CREB3L4: variants seen among roughly 807,000 people sequenced by gnomAD.
The protein encoded by CREB3L4 is cyclic AMP-responsive element-binding protein 3-like protein 4.
Under a neutral mutation model 37.0 loss-of-function variants are expected in CREB3L4, and 28 were observed. The observed-to-expected ratio is 0.76, with a 90% confidence interval of 0.56 to 1.04. The LOEUF (loss-of-function observed/expected upper bound fraction) is 1.04, where lower values mean the gene tolerates loss of function less well. CREB3L4 is among the 50% of genes least tolerant of loss of function. The pLI is 0.00. For missense variants in CREB3L4, 462 were observed against 486.0 expected (o/e 0.95, Z 0.46); for synonymous variants, 175 against 192.2 (o/e 0.91, Z 0.74).
Position 153,968,921 on chromosome 1 carries a change from C to G in CREB3L4, c.175-9C>G, listed in dbSNP as rs757762343. ...CCCTGCACATATATATAACCTTTTCCTACTGTAGGGCCTTCAAGAGAGTGA... is the reference window on the plus strand; with the variant it reads ...CCCTGCACATATATATAACCTTTTCGTACTGTAGGGCCTTCAAGAGAGTGA... On this transcript the variant is annotated splice_polypyrimidine_tract_variant and intron_variant, in intron 2 of 9. Transcript: ENST00000368607. 6.3e-7 allele frequency: 1 copy of G among 1,596,244 alleles called. No homozygotes were observed. The highest frequency in any genetic ancestry group is 8.5e-7 in the Non-Finnish European group (1 of 1,171,160).
At position 153,968,719 on chromosome 1, in the gene CREB3L4, G is replaced by C. The variant is rs202104637; in HGVS notation, c.174+20G>C. On this transcript the variant is annotated intron_variant, in intron 2 of 9. Coordinates refer to ENST00000368607, the MANE Select transcript of CREB3L4 (RefSeq NM_001255978.2). ...GGCTGTGTGAGTGTGACGAGTGGGA[G>C]TGGGGGTGGGGTTGAGACACAACTC... 1.5e-3 allele frequency: 2,465 copies of C among 1,613,404 alleles called. 31 individuals are homozygous for C. The highest frequency in any genetic ancestry group is 4.5e-4 in the Non-Finnish European group (533 of 1,179,782).
At chr1:153,971,078 AGTCT>A (rs1648317770) in intron 4 of CREB3L4, among the ~76,000 whole-genome samples, 1 of 74,464 alleles carries the variant, frequency 1.3e-5, no homozygotes, top group East Asian at 4.5e-4. Context: ...AACCTTTAAA[AGTCT>A]GATGCCGGCC....
chr1:153,974,170 G>T lies in CREB3L4; in HGVS notation c.*105G>T. 9.1e-7 allele frequency: 1 copy of T among 1,093,878 alleles called. No individual in the cohort carries two copies. 67.8% of individuals were successfully genotyped at this position (1,093,878 alleles called of 1,614,324 possible). A position where few individuals can be genotyped will look rare whatever the true frequency, so the allele number is the denominator to read the frequency against. ...TCCTACTTAGGTGTCTGCCCTCAGG[G>T]GTCCAAATCACTTCAGGACACCCCA... is the stretch of plus-strand genomic sequence containing the variant. On this transcript the variant is annotated 3_prime_UTR_variant, in exon 10 of 10. Transcript: ENST00000368607.
chr1:153,973,385 T>C lies in CREB3L4; in HGVS notation c.818T>C (p.Leu273Ser), dbSNP rs1164575105. The C allele has an allele frequency of 6.2e-7, 1 of 1,614,136 alleles. No individual in the cohort carries two copies. Among genetic ancestry groups the C allele is most frequent in the East Asian group, 2.2e-5 (1 of 44,880 alleles). ...CTTCATTCCTCCTTTCCCAGCTCCT[T>C]GGTAGCTCAGCTCCGCCAGCTGCAG... ...VQELERHNIS[L>S]VAQLRQLQTL... The change falls in exon 8 of 10, where the codon TTG becomes TCG. Residue 273 changes from leucine to serine, a missense_variant. Physicochemically the swap from Leu to Ser is moderately radical, Grantham distance 145 (BLOSUM62 -2). Coordinates refer to ENST00000368607, the MANE Select transcript of CREB3L4 (RefSeq NM_001255978.2).
rs745696050 is a variant in CREB3L4, at chr1:153,969,041, T to C, written c.286T>C (p.Cys96Arg). ...GSDSGISEDP[C>R]HPDSPPAPRA... ...TGACAGTGGCATCTCTGAGGACCCC[T>C]GCCATCCAGACAGTCCCCCTGCCCC... is the stretch of plus-strand genomic sequence containing the variant. Residue 96 changes from cysteine (C) to arginine (R), a missense_variant, in exon 3 of 10, where the codon TGC (cysteine) becomes CGC (arginine). Transcript: ENST00000368607. The C allele has an allele frequency of 1.2e-6, 2 of 1,614,228 alleles. No homozygotes were observed. Among genetic ancestry groups the C allele is most frequent in the Admixed American group, 3.3e-5 (2 of 60,024 alleles).
In CREB3L4 at chr1:153,973,731, C is replaced by T. The variant is rs374418335; in HGVS notation, c.994+15C>T. On this transcript the variant is annotated intron_variant, in intron 9 of 9. Transcript: ENST00000368607. The stretch of plus-strand genomic sequence containing the variant: ...GCCTCACGGAGGTGAGAGGCAAGGG[C>T]AGGGAGCAACCCCTGGCTGAGCAAG... 362 of 1,585,542 alleles carry T rather than the reference C, an allele frequency of 2.3e-4. No homozygotes were observed. The highest frequency in any genetic ancestry group is 3.1e-4 in the Non-Finnish European group (355 of 1,161,730).
At position 153,968,567 on chromosome 1, in the gene CREB3L4, G is replaced by C. The variant is rs1648002150; in HGVS notation, c.42G>C (p.Glu14Asp). Reference protein sequence around the residue: ...GIPDLLDAWLEPPEDIFSTGS... With the variant: ...GIPDLLDAWLDPPEDIFSTGS... The stretch of plus-strand genomic sequence containing the variant: ...CTGACCTGCTGGACGCGTGGCTGGA[G>C]CCCCCAGAGGATATCTTCTCGACAG... Residue 14 changes from glutamate to aspartate, a missense_variant, in exon 2 of 10, where the codon GAG becomes GAC. Transcript: ENST00000368607. 1 of 1,613,948 alleles carries C rather than the reference G, an allele frequency of 6.2e-7. No individual in the cohort carries two copies. Among genetic ancestry groups the C allele is most frequent in the Admixed American group, 1.7e-5 (1 of 59,998 alleles).
At chr1:153,971,149 C>T (rs1197473251) in intron 4 of CREB3L4, among the ~76,000 whole-genome samples, 2 of 149,094 alleles carry the variant, frequency 1.3e-5, no homozygotes, top group Non-Finnish European at 3.0e-5. Flanking sequence ...GTGGGCGGAT[C>T]ACGAGGTCAG....
In CREB3L4 at chr1:153,968,059, C is replaced by T. The variant is rs189773134; in HGVS notation, c.-110C>T. Reference sequence around the variant, plus strand: ...ATTTACTATAGCTAAGAGAAAACTGCAGCAGAAAGGGCGCGGCTACCTACT... The same window carrying T: ...ATTTACTATAGCTAAGAGAAAACTGTAGCAGAAAGGGCGCGGCTACCTACT... On this transcript the variant is annotated 5_prime_UTR_variant, in exon 1 of 10. Transcript: ENST00000368607. The T allele has an allele frequency of 1.4e-4, 22 of 154,562 alleles. No individual in the cohort carries two copies. Among genetic ancestry groups the T allele is most frequent in the Admixed American group, 1.4e-3 (22 of 15,496 alleles). The allele number at this position is 154,562 out of a possible 1,614,324, so 9.6% of individuals were successfully genotyped here.
chr1:153,971,581 CTTTTTCTT>C (rs1393808494), intron 4 of CREB3L4, among the ~76,000 whole-genome samples: 30 of 113,662 alleles, frequency 2.6e-4, no homozygotes, highest in East Asian at 6.1e-4. Flanking sequence ...TTTTCTTTTT[CTTTTTCTT>C]TTTTTTTTTT....
At chr1:153,971,303 G>C (rs1648345042) in intron 4 of CREB3L4, among the ~76,000 whole-genome samples, 1 of 151,804 alleles carries the variant, frequency 6.6e-6, no homozygotes, top group Non-Finnish European at 1.5e-5. Context: ...GGGAAGCAGA[G>C]GTTGCAGTAA....
In CREB3L4 at chr1:153,973,818, G is replaced by A; in HGVS notation, c.995-54G>A. ...AAGAGGGAGGTCCTGTCCTGTCTAG[G>A]GTCTCCCACCCAGGGGAGCACTCTA... On this transcript the variant is annotated intron_variant, in intron 9 of 9. Transcript: ENST00000368607. 2.5e-6 allele frequency: 4 copies of A among 1,585,010 alleles called. No individual in the cohort carries two copies. The South Asian group carries it at 4.5e-5, about 18-fold the overall frequency.
intron 4 of CREB3L4, among the ~76,000 whole-genome samples, chr1:153,970,121 T>A (rs4845586): frequency 1.3e-5 from 2 of 151,294 alleles, no homozygotes; most frequent in Non-Finnish European, 2.9e-5. Context: ...TAGAGACGGG[T>A]TTCCACCATA....
chr1:153,968,321 G>T (rs149204093), intron 1 of CREB3L4, 157 bp downstream of exon 1: 15 of 554,686 alleles, frequency 2.7e-5, no homozygotes, highest in Admixed American at 6.1e-5. Context: ...GTAATGCTTG[G>T]GGGGGGCCTC....
At chr1:153,967,732 G>A (rs1290117735), upstream of CREB3L4, 1 of 152,202 alleles carries the variant, frequency 6.6e-6, no homozygotes, top group Non-Finnish European at 1.5e-5. Flanking sequence ...AACTGTCTCC[G>A]ACCAGTTACG....
chr1:153,971,197 A>G (rs1229088401), intron 4 of CREB3L4, among the ~76,000 whole-genome samples: 4 of 150,458 alleles, frequency 2.7e-5, no homozygotes, highest in Admixed American at 1.3e-4. Context: ...GTGAAACCCC[A>G]TCTCTACTAA....
Position 153,969,535 on chromosome 1 carries a change from G to A in CREB3L4, c.543+80G>A, listed in dbSNP as rs574458833. 1.1e-5 allele frequency: 16 copies of A among 1,520,788 alleles called. No homozygotes were observed. In the South Asian group the frequency reaches 1.8e-4, roughly 17 times the overall value. 94.2% of individuals were successfully genotyped at this position (1,520,788 alleles called of 1,614,324 possible). On this transcript the variant is annotated intron_variant, in intron 4 of 9. Coordinates refer to ENST00000368607, the MANE Select transcript of CREB3L4 (RefSeq NM_001255978.2). Reference sequence around the variant, plus strand: ...AGACAGAGCAAAGGGATGAGGGAATGGAAACTGATGATGAACTGCCTTTGC... The same window carrying A: ...AGACAGAGCAAAGGGATGAGGGAATAGAAACTGATGATGAACTGCCTTTGC...
At chr1:153,970,230 C>T (rs967679026) in intron 4 of CREB3L4, among the ~76,000 whole-genome samples, 3 of 152,104 alleles carry the variant, frequency 2.0e-5, no homozygotes, top group Non-Finnish European at 2.9e-5. Flanking sequence ...CCTGGCCCAA[C>T]ATGAACAATT....
At chr1:153,971,587 C>CTTTTTTTTTTTTTTTTTTTTTTT (rs55930906) in intron 4 of CREB3L4, among the ~76,000 whole-genome samples, 2 of 107,520 alleles carry the variant, frequency 1.9e-5, no homozygotes, top group Non-Finnish European at 3.6e-5. Context: ...TTTTCTTTTT[C>CTTTTTTTTTTTTTTTTTTTTTTT]TTTTTTTTTT....
Sources: gnomAD v4.1 joint callset for allele counts (sites outside exome capture counted in the v4.1 genomes callset) on GRCh38, gnomAD v4.1.1 for gene constraint, MANE v1.5 for transcripts, NCBI Gene and HGNC (gene_info 2026-07-23, HGNC 2026-07-21) for gene names.